Variants in COL24A1 observed in about 807,000 individuals in gnomAD.
COL24A1 encodes the protein collagen type XXIV alpha 1 chain, also known as collagen alpha-1(XXIV) chain.
Under a neutral mutation model 253.9 loss-of-function variants are expected in COL24A1, and 224 were observed. That is an observed-to-expected ratio of 0.88 (90% confidence interval 0.79 to 0.99). COL24A1 has a LOEUF of 0.99. Among genes scored for constraint, COL24A1 ranks in the 50% least tolerant of loss-of-function variants. The pLI is 0.00. For missense variants in COL24A1, 2,131 were observed against 2,068.5 expected, an observed-to-expected ratio of 1.03 and a Z score of -0.59; for synonymous variants, 685 against 673.7, an observed-to-expected ratio of 1.02 and a Z score of -0.26.
chr1:85,855,119 TC>T (rs1390575201), intron 37 of COL24A1, among the ~76,000 whole-genome samples: 2 of 152,208 alleles, frequency 1.3e-5, no homozygotes, highest in African/African-American at 4.8e-5. Flanking sequence ...GTTTATCAGA[TC>T]TAGGAGCCTT....
chr1:85,886,251 A>G (rs1196704644), intron 32 of COL24A1, among the ~76,000 whole-genome samples: 1 of 151,676 alleles, frequency 6.6e-6, no homozygotes, highest in East Asian at 2.0e-4. Flanking sequence ...GTTTCACTAT[A>G]TTGGTCAGAC....
At chr1:85,823,359 C>G (rs1673859490) in intron 45 of COL24A1, among the ~76,000 whole-genome samples, 177 bp downstream of exon 45, 1 of 152,058 alleles carries the variant, frequency 6.6e-6, no homozygotes, top group African/African-American at 2.4e-5. Context: ...ATGACTCAAT[C>G]AATAATTTTG....
intron 14 of COL24A1, among the ~76,000 whole-genome samples, chr1:86,028,776 T>C (rs1047953922): frequency 1.2e-4 from 18 of 152,228 alleles, no homozygotes; most frequent in African/African-American, 4.1e-4. Context: ...AGTACTTTTA[T>C]GTGCCAGACA....
chr1:85,842,185 G>T, intron 40 of COL24A1, 64 bp from the exon 41 acceptor site: 1 of 1,524,668 alleles, frequency 6.6e-7, no homozygotes, highest in South Asian at 1.1e-5. Context: ...GCATTATTCT[G>T]AAAGGAAAAA....
chr1:85,863,393 C>T (rs922304945), intron 37 of COL24A1, among the ~76,000 whole-genome samples: 1 of 152,088 alleles, frequency 6.6e-6, no homozygotes, highest in African/African-American at 2.4e-5. Flanking sequence ...TTGTCTTGTG[C>T]CAGTTTTCAA....
chr1:85,868,899 T>A (rs1680092479), intron 35 of COL24A1, 64 bp from the exon 36 acceptor site: 4 of 1,177,576 alleles, frequency 3.4e-6, no homozygotes. Flanking sequence ...CTTATTTTAT[T>A]TTTAGCCCAT....
intron 12 of COL24A1, among the ~76,000 whole-genome samples, chr1:86,045,322 T>TAAATGCTTAGTAA (rs2101636654): frequency 6.6e-6 from 1 of 152,198 alleles, no homozygotes; most frequent in South Asian, 2.1e-4. Context: ...AAGGGTAAGG[T>TAAATGCTTAGTAA]AGCATTTTAA....
At chr1:86,132,331 T>C (rs1345823480) in intron 2 of COL24A1, among the ~76,000 whole-genome samples, 1 of 152,230 alleles carries the variant, frequency 6.6e-6, no homozygotes, top group South Asian at 2.1e-4. Flanking sequence ...TTCACTGTGA[T>C]AGTAGTTTCT....
intron 1 of COL24A1, among the ~76,000 whole-genome samples, chr1:86,147,314 A>C (rs561619915): frequency 1.0e-3 from 155 of 152,340 alleles, no homozygotes; most frequent in African/African-American, 3.6e-3. Flanking sequence ...ATGGAACACA[A>C]ATTTCATTTG....
intron 47 of COL24A1, among the ~76,000 whole-genome samples, chr1:85,802,449 C>T (rs1394937226): frequency 2.0e-5 from 3 of 152,032 alleles, no homozygotes; most frequent in Non-Finnish European, 4.4e-5. Context: ...CTGCTTTCTC[C>T]ACCTATAATT....
chr1:86,078,000 A>G (rs1354325203), intron 7 of COL24A1, among the ~76,000 whole-genome samples: 1 of 152,198 alleles, frequency 6.6e-6, no homozygotes, highest in Non-Finnish European at 1.5e-5. Context: ...AAATTAAAAA[A>G]AGAAAACTGC....
intron 24 of COL24A1, among the ~76,000 whole-genome samples, chr1:85,948,723 G>A (rs556989777): frequency 6.0e-4 from 91 of 151,334 alleles, no homozygotes; most frequent in Non-Finnish European, 1.1e-3. Flanking sequence ...ATTCTATGAG[G>A]CCAGTATCAT....
At chr1:85,916,602 C>T (rs552562842) in intron 24 of COL24A1, among the ~76,000 whole-genome samples, 30 of 152,212 alleles carry the variant, frequency 2.0e-4, no homozygotes, top group African/African-American at 6.5e-4. Context: ...GTGAGGATCG[C>T]TTGGACTCAG....
intron 32 of COL24A1, among the ~76,000 whole-genome samples, chr1:85,883,988 C>T (rs1458285217): frequency 6.6e-6 from 1 of 152,138 alleles, no homozygotes; most frequent in Non-Finnish European, 1.5e-5. Flanking sequence ...TTTTATTTTA[C>T]CTTTATTTAT....
intron 47 of COL24A1, among the ~76,000 whole-genome samples, chr1:85,805,218 C>T (rs919864158): frequency 2.0e-5 from 3 of 152,028 alleles, no homozygotes; most frequent in African/African-American, 7.3e-5. Flanking sequence ...TCTACGATTG[C>T]TGCTATTGTT....
intron 35 of COL24A1, among the ~76,000 whole-genome samples, chr1:85,873,954 T>G (rs1308765937): frequency 1.3e-5 from 2 of 152,170 alleles, no homozygotes; most frequent in Admixed American, 6.6e-5. Context: ...ACTAAAATTA[T>G]TTAAAAGTAA....
intron 43 of COL24A1, among the ~76,000 whole-genome samples, chr1:85,829,996 G>A (rs779216023): frequency 5.9e-5 from 9 of 152,182 alleles, no homozygotes; most frequent in East Asian, 5.8e-4. Flanking sequence ...GAGGAGAGGC[G>A]CTCTACTTTT....
At chr1:85,938,479 G>A (rs938980497) in intron 24 of COL24A1, among the ~76,000 whole-genome samples, 2 of 146,862 alleles carry the variant, frequency 1.4e-5, no homozygotes, top group Admixed American at 6.9e-5. Context: ...ATCATCAGAA[G>A]AGGGAGAAGA....
At chr1:86,149,556 C>T (rs183693608) in intron 1 of COL24A1, among the ~76,000 whole-genome samples, 6 of 152,206 alleles carry the variant, frequency 3.9e-5, no homozygotes, top group Admixed American at 3.9e-4. Context: ...TGAATGGAAG[C>T]ATGTCTCACC....
Sources: gnomAD v4.1 joint callset for allele counts (sites outside exome capture counted in the v4.1 genomes callset) on GRCh38, gnomAD v4.1.1 for gene constraint, MANE v1.5 for transcripts, NCBI Gene and HGNC (gene_info 2026-07-23, HGNC 2026-07-21) for gene names.